The following CEP290 variants were observed in gnomAD, a reference collection of about 807,000 sequenced individuals.
The protein encoded by CEP290 is centrosomal protein 290.
A neutral mutation model predicts 344.9 loss-of-function variants in CEP290; 317 were observed. That is an observed-to-expected ratio of 0.92 (90% CI 0.84 to 1.01). The LOEUF (loss-of-function observed/expected upper bound fraction) is 1.01, where lower values mean the gene tolerates loss of function less well. CEP290 is among the 50% of genes least tolerant of loss of function. The pLI, the probability that CEP290 is intolerant of heterozygous loss-of-function variation, is 0.00. For synonymous variants in CEP290, 932 were observed against 895.8 expected (o/e 1.04, Z -0.72); for missense variants, 2,754 against 2,761.4 (o/e 1.00, Z 0.06).
At chr12:88,071,124 CA>C (rs2035340134) in intron 43 of CEP290, among the ~76,000 whole-genome samples, 169 bp downstream of exon 43, 1 of 151,878 alleles carries the variant, frequency 6.6e-6, no homozygotes, top group Admixed American at 6.6e-5. Flanking sequence ...TTCAAAAGAT[CA>C]AAAATACACC....
rs1014654407 is a variant in CEP290, at chr12:88,091,914, CTTTG to C, written c.3461+763_3461+766del. On this transcript the variant is annotated intron_variant, in intron 29 of 53. Transcript: ENST00000552810. ...CACACGGTTTTTTTGTTTTGTTTTT[CTTTG>C]TTTGTTTGTTTGTTTGACAGAGTCT... is the stretch of plus-strand genomic sequence containing the variant. 1.6e-4 allele frequency among the ~76,000 whole-genome samples: 25 copies of C among 151,904 alleles called. No homozygotes were observed. In the East Asian group the frequency reaches 2.1e-3, roughly 13 times the overall value.
chr12:88,106,654 C>T, intron 25 of CEP290, 21 bp downstream of exon 25: 2 of 1,549,574 alleles, frequency 1.3e-6, no homozygotes, highest in East Asian at 2.3e-5. Flanking sequence ...TCAGAAAAAG[C>T]AAAATAAGAA....
chr12:88,055,578 GT>G lies in CEP290; in HGVS notation c.6957del (p.Gln2319HisfsTer28). On this transcript the variant is annotated frameshift_variant, in exon 50 of 54. Coordinates refer to ENST00000552810, the MANE Select transcript of CEP290 (RefSeq NM_025114.4). LOFTEE classifies it high-confidence loss of function. ...TAAAGAAAAATTACGTTACTTACCT[GT>G]TGTTCAAGGTCTTCATTGTATTTGT... Reference protein sequence around the residue: ...KVNKYNEDLEQQIKILKHVPE... With the variant: ...KVNKYNEDLEXQIKILKHVPE... 1 of 1,570,042 alleles carries G rather than the reference GT, an allele frequency of 6.4e-7. No homozygotes were observed. Among genetic ancestry groups the G allele is most frequent in the Non-Finnish European group, 8.6e-7 (1 of 1,159,258 alleles).
chr12:88,134,396 G>T (rs539879087), intron 6 of CEP290, among the ~76,000 whole-genome samples: 1 of 152,068 alleles, frequency 6.6e-6, no homozygotes, highest in African/African-American at 2.4e-5. Flanking sequence ...TACTAGTCTT[G>T]GCCCTTTTCA....
At chr12:88,098,818 G>C (rs1248475047) in intron 26 of CEP290, among the ~76,000 whole-genome samples, 3 of 152,074 alleles carry the variant, frequency 2.0e-5, no homozygotes, top group African/African-American at 7.2e-5. Context: ...TAAGATCTGA[G>C]AGGAAAAAAT....
chr12:88,063,897 C>T, intron 45 of CEP290, 84 bp downstream of exon 45: 1 of 1,186,156 alleles, frequency 8.4e-7, no homozygotes, highest in Admixed American at 2.9e-5. Context: ...TTTTTGACTT[C>T]TTAATAAGCT....
chr12:88,134,052 A>C (rs2040224420), intron 6 of CEP290, among the ~76,000 whole-genome samples: 3 of 152,142 alleles, frequency 2.0e-5, no homozygotes, highest in African/African-American at 7.2e-5. Flanking sequence ...TACATTGATG[A>C]TTCATAAATC....
intron 20 of CEP290, among the ~76,000 whole-genome samples, chr12:88,112,748 C>T (rs1046511718): frequency 6.6e-6 from 1 of 151,966 alleles, no homozygotes; most frequent in African/African-American, 2.4e-5. Context: ...TTTGTAAAAG[C>T]CTTCCCCTGA....
chr12:88,072,195 C>A (rs2035430313), intron 41 of CEP290, among the ~76,000 whole-genome samples: 1 of 152,200 alleles, frequency 6.6e-6, no homozygotes, highest in Non-Finnish European at 1.5e-5. Context: ...CAAGTCCAAA[C>A]ACAAAATTCA....
chr12:88,087,719 CAA>C (rs375540609), intron 32 of CEP290, 59 bp downstream of exon 32: 2,855 of 128,642 alleles, frequency 0.022, no homozygotes, highest in East Asian at 0.033. Context: ...GACTCCATCT[CAA>C]AAAAAAAAAA....
chr12:88,060,690 A>G, intron 47 of CEP290, 140 bp downstream of exon 47: 1 of 603,954 alleles, frequency 1.7e-6, no homozygotes, highest in African/African-American at 1.9e-5. Context: ...TGCCTCTCAT[A>G]AGTTTTTTTC....
chr12:88,130,462 A>G (rs1369578772), intron 8 of CEP290, 42 bp from the exon 9 acceptor site: 1 of 1,596,920 alleles, frequency 6.3e-7, no homozygotes, highest in Non-Finnish European at 8.5e-7. Flanking sequence ...AAAACTATTC[A>G]GAATAACAAA....
At chr12:88,139,402 T>C in intron 4 of CEP290, 93 bp downstream of exon 4, 1 of 686,120 alleles carries the variant, frequency 1.5e-6, no homozygotes, top group Non-Finnish European at 2.1e-6. Context: ...TGAATATATA[T>C]ATTTTATAGA....
chr12:88,070,528 T>C (rs1592779110), intron 43 of CEP290, among the ~76,000 whole-genome samples: 1 of 152,126 alleles, frequency 6.6e-6, no homozygotes, highest in East Asian at 1.9e-4. Context: ...AGCCATCCCA[T>C]AGCAGTGGTA....
chr12:88,104,295 TTCCTATGA>T (rs2038114051), intron 25 of CEP290: 1 of 152,104 alleles, frequency 6.6e-6, no homozygotes, highest in South Asian at 2.1e-4. Flanking sequence ...GAATTCTGTG[TTCCTATGA>T]TCCTGTCCAA....
rs763080862 is a variant in CEP290 at position 88,062,721 on chromosome 12, C to T, written c.6328G>A (p.Val2110Ile). ...CEFLKKEKAE[V>I]QRKLGHVRGS... ...CTAACATGGCCAAGTTTCCGCTGAA[C>T]TTCTGCTTTTTCTTTCTTAAGAAAT... The change falls in exon 46 of 54, where the codon GTT (valine) becomes ATT (isoleucine). Residue 2110 changes from valine to isoleucine, a missense_variant. By Grantham distance (29) the Val-to-Ile change is conservative (BLOSUM62 3). Transcript: ENST00000552810. 3 of 1,603,612 alleles carry T rather than the reference C, an allele frequency of 1.9e-6. No homozygotes were observed. The highest frequency in any genetic ancestry group is 2.2e-5 in the South Asian group (2 of 88,904).
chr12:88,113,680 A>G (rs1169728333), intron 20 of CEP290, among the ~76,000 whole-genome samples: 2 of 152,064 alleles, frequency 1.3e-5, no homozygotes. Flanking sequence ...AAATGTGTAT[A>G]TTATTCAAGT....
Position 88,125,260 on chromosome 12 carries a change from A to T in CEP290, c.1175T>A (p.Leu392His), listed in dbSNP as rs794727106. 3.5e-6 allele frequency: 3 copies of T among 854,102 alleles called. No homozygotes were observed. Among genetic ancestry groups the T allele is most frequent in the Non-Finnish European group, 5.0e-6 (3 of 596,518 alleles). 52.9% of individuals were successfully genotyped at this position (854,102 alleles called of 1,614,324 possible). ...TCIIEDLKNE[L>H]QRNKGASTLS... is the part of the protein sequence containing the mutation. ...TATAAAAATACCTTTGTTTCTTTGG[A>T]GCTCATTTTTCAAATCTTCAATAAT... Residue 392 changes from leucine (L) to histidine (H), a missense_variant, in exon 13 of 54, where the codon CTC (leucine) becomes CAC (histidine). Transcript: ENST00000552810.
Position 88,062,734 on chromosome 12 carries a change from T to G in CEP290, c.6315A>C (p.Lys2105Asn), listed in dbSNP as rs531303992. The G allele has an allele frequency of 6.2e-7, 1 of 1,600,456 alleles. No individual in the cohort carries two copies. Among genetic ancestry groups the G allele is most frequent in the Non-Finnish European group, 8.5e-7 (1 of 1,172,656 alleles). The change falls in exon 46 of 54, where the codon AAA becomes AAC. Residue 2105 changes from lysine to asparagine, a missense_variant. Physicochemically the swap from Lys to Asn is moderately conservative, Grantham distance 94 (BLOSUM62 0). Transcript: ENST00000552810. ...DLKEMCEFLKKEKAEVQRKLG... is the reference protein window; with the variant it reads ...DLKEMCEFLKNEKAEVQRKLG... ...GTTTCCGCTGAACTTCTGCTTTTTC[T>G]TTCTTAAGAAATTCACACATTTCCT...
Sources: allele counts gnomAD v4.1 joint callset (sites outside exome capture counted in the v4.1 genomes callset), GRCh38; gene constraint gnomAD v4.1.1; transcripts MANE v1.5; gene names NCBI Gene and HGNC (gene_info 2026-07-23, HGNC 2026-07-21).